Variants in RPS6KL1 observed in about 807,000 individuals in gnomAD.
The protein encoded by RPS6KL1 is ribosomal protein S6 kinase-like 1.
In RPS6KL1, 41 loss-of-function variants were observed where a neutral mutation model predicts 57.0. The ratio of observed to expected loss-of-function variants is 0.72; its 90% CI spans 0.56 to 0.93. The LOEUF (loss-of-function observed/expected upper bound fraction) is 0.93. RPS6KL1 is among the 40% of genes least tolerant of loss of function. RPS6KL1 has a pLI of 0.00. For missense variants in RPS6KL1, 697 were observed against 727.7 expected, an observed-to-expected ratio of 0.96 and a Z score of 0.49; for synonymous variants, 287 against 309.7, an observed-to-expected ratio of 0.93 and a Z score of 0.77.
Position 74,906,852 on chromosome 14 carries a change from G to C in RPS6KL1, c.*162C>G. Reference sequence around the variant, plus strand: ...AGGAGCTGGCCCTTCCTGGGTGGTGGCCATAATTCTGAGGCCCCAGTGGGA... The same window carrying C: ...AGGAGCTGGCCCTTCCTGGGTGGTGCCCATAATTCTGAGGCCCCAGTGGGA... On this transcript the variant is annotated 3_prime_UTR_variant, in exon 12 of 12. Transcript: ENST00000557413. The C allele has an allele frequency of 1.3e-6, 1 of 766,182 alleles. No homozygotes were observed. The highest frequency in any genetic ancestry group is 1.8e-5 in the Admixed American group (1 of 56,534). The allele number at this position is 766,182 out of a possible 1,614,324, so 47.5% of individuals were successfully genotyped here. A position where few individuals can be genotyped will look rare whatever the true frequency, so the allele number is the denominator to read the frequency against.
chr14:74,906,384 AG>A lies in RPS6KL1; in HGVS notation c.*629del, dbSNP rs1884816628. On this transcript the variant is annotated 3_prime_UTR_variant, in exon 12 of 12. Transcript: ENST00000557413. ...TCTCCCAAGTCTGAAATCACAAGATAGGGGGCATGGTCAGGAATCGGGGGTG... is the reference window on the plus strand; with the variant it reads ...TCTCCCAAGTCTGAAATCACAAGATAGGGGCATGGTCAGGAATCGGGGGTG... 3.9e-6 allele frequency: 1 copy of A among 255,412 alleles called. No homozygotes were observed. The highest frequency in any genetic ancestry group is 2.2e-5 in the South Asian group (1 of 45,292). 15.8% of individuals were successfully genotyped at this position (255,412 alleles called of 1,614,324 possible). A position where few individuals can be genotyped will look rare whatever the true frequency, so the allele number is the denominator to read the frequency against.
At position 74,910,007 on chromosome 14, in the gene RPS6KL1, T is replaced by C. The variant is rs911499878; in HGVS notation, c.806A>G (p.His269Arg). 3 of 1,613,790 alleles carry C rather than the reference T, an allele frequency of 1.9e-6. No individual in the cohort carries two copies. The Admixed American group carries it at 5.0e-5, about 27-fold the overall frequency. ...GGCGATTCTGTCCTGGCCAGGGGCA[T>C]GGCCTGAGGGAAGCCTCGCTGGGGT... ...LLTPARLPSG[H>R]APGQDRIALE... Residue 269 changes from histidine to arginine, a missense_variant, in exon 8 of 12, where the codon CAT (histidine) becomes CGT (arginine). Transcript: ENST00000557413.
In RPS6KL1 at chr14:74,909,260, G is replaced by A. The variant is rs74064443; in HGVS notation, c.1271-70C>T. On this transcript the variant is annotated intron_variant, in intron 8 of 11. Coordinates refer to ENST00000557413, the MANE Select transcript of RPS6KL1 (RefSeq NM_031464.5). ...CTGATACAGGGGAGGGGGTTGCAGG[G>A]CTTCCCCCAACAGTCATGCGGTAGG... 4.1e-3 allele frequency: 5,982 copies of A among 1,462,454 alleles called. 210 individuals carry two copies. In the African/African-American group the frequency reaches 0.073, roughly 18 times the overall value. 90.6% of individuals were successfully genotyped at this position (1,462,454 alleles called of 1,614,324 possible). A position where few individuals can be genotyped will look rare whatever the true frequency, so the allele number is the denominator to read the frequency against.
At chr14:74,911,046 A>G (rs546123441) in intron 7 of RPS6KL1, 1 of 494,830 alleles carries the variant, frequency 2.0e-6, no homozygotes, top group African/African-American at 2.0e-5. Flanking sequence ...TAGTTTTTGT[A>G]TTTTTAGTAG....
chr14:74,909,757 G>A lies in RPS6KL1; in HGVS notation c.1056C>T (p.Ala352=), dbSNP rs77674944. Residue 352 remains alanine (A), a synonymous_variant, in exon 8 of 12, where the codon GCC becomes GCT. Transcript: ENST00000557413. The stretch of plus-strand genomic sequence containing the variant: ...GGCCACAGCCCCCTAGCACCGGGCC[G>A]GCCCCCTCAGGAACCCAAGTGAGCC... ...PRGLTWVPEG[A]GPVLGGCGRG... is the part of the protein sequence containing the mutation. The A allele has an allele frequency of 2.3e-3, 3,619 of 1,606,736 alleles. 80 individuals are homozygous for A. In the African/African-American group the frequency reaches 0.043, roughly 19 times the overall value.
intron 5 of RPS6KL1, among the ~76,000 whole-genome samples, chr14:74,917,147 G>A (rs947294899): frequency 1.3e-5 from 2 of 152,226 alleles, no homozygotes; most frequent in African/African-American, 2.4e-5. Flanking sequence ...AGAAGCCTGC[G>A]TGCCTCCCAG....
chr14:74,907,421 G>T lies in RPS6KL1; in HGVS notation c.1539+14C>A. 6.4e-7 allele frequency: 1 copy of T among 1,562,146 alleles called. No individual in the cohort carries two copies. The highest frequency in any genetic ancestry group is 2.4e-5 in the East Asian group (1 of 42,054). ...GGCTAGGCAGCTGCTTCCTCTGGCC[G>T]GGCTACACCTCACCTCAGTCAGCAG... is the stretch of plus-strand genomic sequence containing the variant. On this transcript the variant is annotated intron_variant, in intron 11 of 11. Coordinates refer to ENST00000557413, the MANE Select transcript of RPS6KL1 (RefSeq NM_031464.5).
chr14:74,921,289 G>A lies in RPS6KL1; in HGVS notation c.253C>T (p.Arg85Cys), dbSNP rs201499098. ...HYQNGVDVLL[R>C]GIHVDPNKER... ...CCCCGGTCCTCACCGTGTATGCCAC[G>A]GAGCAGCACGTCCACGCCATTCTGA... Residue 85 changes from arginine (R) to cysteine (C), a missense_variant, in exon 3 of 12, where the codon CGT (arginine) becomes TGT (cysteine). By Grantham distance (180) the Arg-to-Cys change is radical. Coordinates refer to ENST00000557413, the MANE Select transcript of RPS6KL1 (RefSeq NM_031464.5). The A allele has an allele frequency of 3.6e-5, 49 of 1,344,578 alleles. No homozygotes were observed. Among genetic ancestry groups the A allele is most frequent in the Admixed American group, 5.8e-5 (3 of 52,024 alleles). 83.3% of individuals were successfully genotyped at this position (1,344,578 alleles called of 1,614,324 possible). A position where few individuals can be genotyped will look rare whatever the true frequency, so the allele number is the denominator to read the frequency against.
intron 3 of RPS6KL1, 136 bp from the exon 4 acceptor site, chr14:74,920,105 A>T: frequency 8.7e-7 from 1 of 1,147,136 alleles, no homozygotes; most frequent in Non-Finnish European, 1.3e-6. Context: ...TTCTGCCCCC[A>T]GATTGCTTCA....
intron 5 of RPS6KL1, among the ~76,000 whole-genome samples, chr14:74,916,125 G>C (rs554573670): frequency 6.6e-6 from 1 of 152,296 alleles, no homozygotes; most frequent in Non-Finnish European, 1.5e-5. Flanking sequence ...TTCCTCCCTG[G>C]GCCTGAGGGT....
Position 74,909,105 on chromosome 14 carries a change from G to T in RPS6KL1, c.1356C>A (p.Ala452=). 1 of 1,614,086 alleles carries T rather than the reference G, an allele frequency of 6.2e-7. No homozygotes were observed. The highest frequency in any genetic ancestry group is 8.5e-7 in the Non-Finnish European group (1 of 1,179,970). The change falls in exon 9 of 12, where the codon GCC becomes GCA. Residue 452 remains alanine, a synonymous_variant. Coordinates refer to ENST00000557413, the MANE Select transcript of RPS6KL1 (RefSeq NM_031464.5). ...CGEAVDNLYS[A]PEVGGISELT... is the part of the protein sequence containing the mutation. ...CCTGGCCTCCCCCCTTCTTGCCTGG[G>T]GCGCTGTAGAGATTGTCCACGGCCT...
At chr14:74,922,950 T>C (rs1419442377) in intron 1 of RPS6KL1, among the ~76,000 whole-genome samples, 1 of 152,112 alleles carries the variant, frequency 6.6e-6, no homozygotes, top group African/African-American at 2.4e-5. Context: ...CAGGGGAACT[T>C]GAGGCTCTGA....
At chr14:74,913,430 G>A (rs575427988) in intron 5 of RPS6KL1, among the ~76,000 whole-genome samples, 3 of 152,268 alleles carry the variant, frequency 2.0e-5, no homozygotes, top group East Asian at 3.9e-4. Context: ...AGTGGTGCCC[G>A]CCTGTAATCC....
chr14:74,920,825 G>A (rs1887709467), intron 3 of RPS6KL1, among the ~76,000 whole-genome samples: 2 of 152,152 alleles, frequency 1.3e-5, no homozygotes, highest in South Asian at 4.1e-4. Context: ...CTCCCAGAGG[G>A]CAGGAGCCCA....
In RPS6KL1 at chr14:74,918,635, G is replaced by C. The variant is rs1275355395; in HGVS notation, c.391-30C>G. On this transcript the variant is annotated intron_variant, in intron 4 of 11. Transcript: ENST00000557413. The stretch of plus-strand genomic sequence containing the variant: ...AGAGGAGGGAGACAGGCCACACACA[G>C]CCTCAGGGCCGAGCCCTCCTTGGCC... 4 of 1,502,792 alleles carry C rather than the reference G, an allele frequency of 2.7e-6. No homozygotes were observed. The African/African-American group carries it at 4.1e-5, about 16-fold the overall frequency. The allele number at this position is 1,502,792 out of a possible 1,614,324, so 93.1% of individuals were successfully genotyped here.
chr14:74,909,832 G>A lies in RPS6KL1; in HGVS notation c.981C>T (p.His327=). The A allele has an allele frequency of 6.2e-7, 1 of 1,611,040 alleles. No homozygotes were observed. Among genetic ancestry groups the A allele is most frequent in the Non-Finnish European group, 8.5e-7 (1 of 1,178,448 alleles). The stretch of plus-strand genomic sequence containing the variant: ...TCTGGCCAGCCCTCCTAGCTTGAAG[G>A]TGCAGGTGGCCACCTGGGGCCTTTG... The part of the protein sequence containing the change: ...DLPKAPGGHL[H]LQARRAGQNS... The change falls in exon 8 of 12, where the codon CAC becomes CAT. Residue 327 remains histidine (H), a synonymous_variant. Transcript: ENST00000557413.
chr14:74,918,625 G>A lies in RPS6KL1; in HGVS notation c.391-20C>T. On this transcript the variant is annotated intron_variant, in intron 4 of 11. Transcript: ENST00000557413. ...GAAACCCTGCAGAGGAGGGAGACAG[G>A]CCACACACAGCCTCAGGGCCGAGCC... The A allele has an allele frequency of 6.6e-7, 1 of 1,520,058 alleles. No homozygotes were observed. The highest frequency in any genetic ancestry group is 2.5e-5 in the East Asian group (1 of 40,578). The allele number at this position is 1,520,058 out of a possible 1,614,324, so 94.2% of individuals were successfully genotyped here.
In RPS6KL1 at chr14:74,906,089, C is replaced by G. The variant is rs898792423; in HGVS notation, c.*925G>C. On this transcript the variant is annotated 3_prime_UTR_variant, in exon 12 of 12. Transcript: ENST00000557413. ...TCCATGCGTTTTGTGGTTTCTTATC[C>G]CAAAAGGGCATGAAGTCACAGTAGG... 3 of 180,412 alleles carry G rather than the reference C, an allele frequency of 1.7e-5. No homozygotes were observed. Among genetic ancestry groups the G allele is most frequent in the Admixed American group, 5.4e-5 (1 of 18,562 alleles). 11.2% of individuals were successfully genotyped at this position (180,412 alleles called of 1,614,324 possible).
In RPS6KL1 at chr14:74,911,247, C is replaced by T; in HGVS notation, c.664+1G>A. On this transcript the variant is annotated splice_donor_variant, in intron 7 of 11. Transcript: ENST00000557413. LOFTEE classifies it high-confidence loss of function. Reference sequence around the variant, plus strand: ...TGACAGGGGGCCCCAGGCCTGCTCACCTTGCACATGCTCCAGGTGCAGGAA... The same window carrying T: ...TGACAGGGGGCCCCAGGCCTGCTCATCTTGCACATGCTCCAGGTGCAGGAA... 6.2e-7 allele frequency: 1 copy of T among 1,611,732 alleles called. No individual in the cohort carries two copies. Among genetic ancestry groups the T allele is most frequent in the African/African-American group, 1.3e-5 (1 of 75,034 alleles).
Sources: gnomAD v4.1 joint callset for allele counts (sites outside exome capture counted in the v4.1 genomes callset) on GRCh38, gnomAD v4.1.1 for gene constraint, MANE v1.5 for transcripts, NCBI Gene and HGNC (gene_info 2026-07-23, HGNC 2026-07-21) for gene names.